KLHL32: variants seen among roughly 807,000 people sequenced by gnomAD.
KLHL32 encodes the protein kelch like family member 32, also known as kelch-like protein 32.
In KLHL32, 35 loss-of-function variants were observed where a neutral mutation model predicts 64.8. The observed-to-expected ratio is 0.54, with a 90% confidence interval of 0.41 to 0.72. The LOEUF is 0.72. Among genes scored for constraint, KLHL32 ranks in the 30% least tolerant of loss-of-function variants. KLHL32 has a pLI of 0.00. For synonymous variants in KLHL32, 259 were observed against 281.0 expected (o/e 0.92, Z 0.78); for missense variants, 589 against 768.5 (o/e 0.77, Z 2.76).
chr6:96,943,153 T>G (rs1264992552), intron 1 of KLHL32, among the ~76,000 whole-genome samples: 1 of 151,834 alleles, frequency 6.6e-6, no homozygotes, highest in African/African-American at 2.4e-5. Flanking sequence ...CACACATATA[T>G]ACACATACAT....
At chr6:97,131,995 G>A (rs1358086097) in intron 9 of KLHL32, among the ~76,000 whole-genome samples, 1 of 152,148 alleles carries the variant, frequency 6.6e-6, no homozygotes, top group Non-Finnish European at 1.5e-5. Flanking sequence ...GGCCTCCAGG[G>A]AAGAATATGT....
intron 3 of KLHL32, among the ~76,000 whole-genome samples, chr6:96,982,532 T>C (rs561351884): frequency 6.6e-6 from 1 of 152,294 alleles, no homozygotes; most frequent in East Asian, 1.9e-4. Context: ...AATTGGGGCA[T>C]TTAGTTCATT....
At chr6:96,914,505 T>G in the KLHL32 span, among the ~76,000 whole-genome samples, 2 of 152,120 alleles carry the variant, frequency 1.3e-5, no homozygotes, top group South Asian at 4.1e-4. Flanking sequence ...TTATGCTTTG[T>G]CTACCTCCCT....
At chr6:96,903,317 C>G in the KLHL32 span, among the ~76,000 whole-genome samples, 30 of 151,964 alleles carry the variant, frequency 2.0e-4, no homozygotes, top group South Asian at 6.2e-3. Flanking sequence ...GTGTGACATG[C>G]TTCTAGCCAA....
intron 3 of KLHL32, among the ~76,000 whole-genome samples, chr6:97,037,111 C>G (rs1784415321): frequency 6.6e-6 from 1 of 151,570 alleles, no homozygotes; most frequent in Admixed American, 6.6e-5. Context: ...TTAAATACTC[C>G]CAATAGCTTT....
At chr6:96,984,658 G>A (rs57175517) in intron 3 of KLHL32, among the ~76,000 whole-genome samples, 2 of 152,070 alleles carry the variant, frequency 1.3e-5, no homozygotes, top group South Asian at 2.1e-4. Flanking sequence ...ATCTTTGTTG[G>A]TTTAAAGTCT....
intron 1 of KLHL32, among the ~76,000 whole-genome samples, chr6:96,931,601 G>T (rs1010189679): frequency 1.1e-4 from 16 of 152,172 alleles, no homozygotes; most frequent in Admixed American, 7.9e-4. Flanking sequence ...TAAAGATATA[G>T]TGCAATTTCA....
chr6:96,921,848 T>G (rs1252904696), upstream of KLHL32, among the ~76,000 whole-genome samples: 5 of 152,186 alleles, frequency 3.3e-5, no homozygotes, highest in Non-Finnish European at 5.9e-5. Flanking sequence ...CTCCTATATC[T>G]TGGCTCATGG....
intron 5 of KLHL32, among the ~76,000 whole-genome samples, chr6:97,083,448 C>T (rs1317605186): frequency 2.0e-5 from 3 of 152,064 alleles, no homozygotes; most frequent in Non-Finnish European, 2.9e-5. Flanking sequence ...TGACCCGAGG[C>T]CCCAGCCAAT....
At chr6:96,949,323 T>A (rs369346492) in intron 1 of KLHL32, among the ~76,000 whole-genome samples, 13 of 142,206 alleles carry the variant, frequency 9.1e-5, no homozygotes, top group African/African-American at 3.5e-4. Flanking sequence ...GCTCTGATAT[T>A]CTAGTTAGTC....
intron 2 of KLHL32, among the ~76,000 whole-genome samples, chr6:96,974,015 C>CCTGA (rs1158310601): frequency 6.6e-6 from 1 of 152,054 alleles, no homozygotes; most frequent in Non-Finnish European, 1.5e-5. Context: ...AGCCACCGTA[C>CCTGA]CTGACTTCTT....
At chr6:97,109,321 T>C (rs17057443) in intron 6 of KLHL32, among the ~76,000 whole-genome samples, 7,691 of 152,252 alleles carry the variant, frequency 0.051, 670 homozygotes, top group African/African-American at 0.18. Flanking sequence ...TTGAAAGTTA[T>C]ATGAAATCTA....
upstream of KLHL32, among the ~76,000 whole-genome samples, chr6:96,924,045 C>CT (rs144143475): frequency 9.6e-3 from 1,467 of 152,302 alleles, 35 homozygotes; most frequent in African/African-American, 0.034. Flanking sequence ...TAATCACACC[C>CT]TTTCTCATTT....
intron 7 of KLHL32, among the ~76,000 whole-genome samples, chr6:97,126,310 C>G (rs13197426): frequency 6.7e-6 from 1 of 150,282 alleles, no homozygotes; most frequent in African/African-American, 2.4e-5. Flanking sequence ...CATTTAATAT[C>G]TATTGGTGAT....
intron 1 of KLHL32, among the ~76,000 whole-genome samples, chr6:96,949,107 A>G (rs1018626632): frequency 1.3e-5 from 2 of 152,180 alleles, no homozygotes; most frequent in Non-Finnish European, 2.9e-5. Flanking sequence ...AGCCATTGTT[A>G]TCCAGTGTTT....
At chr6:96,903,927 A>T in the KLHL32 span, among the ~76,000 whole-genome samples, 1 of 152,232 alleles carries the variant, frequency 6.6e-6, no homozygotes, top group Non-Finnish European at 1.5e-5. Context: ...GTTCTTTTGC[A>T]AAATTAGCAC....
intron 4 of KLHL32, among the ~76,000 whole-genome samples, chr6:97,051,309 C>T (rs1786864757): frequency 6.6e-6 from 1 of 152,168 alleles, no homozygotes; most frequent in Non-Finnish European, 1.5e-5. Flanking sequence ...CTCAGCACCT[C>T]CCACCCTACC....
At chr6:97,061,560 T>A (rs901880988) in intron 4 of KLHL32, among the ~76,000 whole-genome samples, 9 of 152,182 alleles carry the variant, frequency 5.9e-5, no homozygotes, top group Admixed American at 3.3e-4. Flanking sequence ...GAACATCTCT[T>A]CCTTCCTGCA....
At chr6:97,113,636 G>C in intron 6 of KLHL32, 147 bp from the exon 7 acceptor site, 1 of 1,092,072 alleles carries the variant, frequency 9.2e-7, no homozygotes, top group Non-Finnish European at 1.3e-6. Context: ...CCTCACATGG[G>C]CTTCAAAATA....
Sources: gnomAD v4.1 joint callset for allele counts (sites outside exome capture counted in the v4.1 genomes callset) on GRCh38, gnomAD v4.1.1 for gene constraint, MANE v1.5 for transcripts, NCBI Gene and HGNC (gene_info 2026-07-23, HGNC 2026-07-21) for gene names.